Variants in EHMT1 observed in about 807,000 individuals in gnomAD.
The protein encoded by EHMT1 is histone-lysine N-methyltransferase EHMT1.
Under a neutral mutation model 147.2 loss-of-function variants are expected in EHMT1, and 15 were observed. The observed-to-expected ratio is 0.10, with a 90% CI of 0.07 to 0.16. EHMT1 has a LOEUF of 0.16. Among genes scored for constraint, EHMT1 ranks in the 10% least tolerant of loss-of-function variants. The pLI is 1.00. For synonymous variants in EHMT1, 795 were observed against 709.6 expected (o/e 1.12, Z -1.91); for missense variants, 1,587 against 1,772.4 (o/e 0.90, Z 1.88).
At chr9:137,682,360 T>G (rs1413272735) in intron 1 of EHMT1, among the ~76,000 whole-genome samples, 1 of 152,138 alleles carries the variant, frequency 6.6e-6, no homozygotes, top group Non-Finnish European at 1.5e-5. Flanking sequence ...AGTACCAACC[T>G]TTATGTGTTA....
chr9:137,671,919 G>C (rs1940709407), intron 1 of EHMT1, among the ~76,000 whole-genome samples: 2 of 152,198 alleles, frequency 1.3e-5, no homozygotes, highest in African/African-American at 4.8e-5. Flanking sequence ...GCTGTGGAGA[G>C]GCCGTGGCCC....
At chr9:137,792,033 C>G (rs1405815947) in intron 16 of EHMT1, 3 of 465,208 alleles carry the variant, frequency 6.4e-6, no homozygotes, top group African/African-American at 6.1e-5. Flanking sequence ...ATGCCCAGCG[C>G]TAACAGCTTT....
Position 137,835,295 on chromosome 9 carries a change from G to A in EHMT1, c.*342G>A, listed in dbSNP as rs1378364795. 1 of 217,476 alleles carries A rather than the reference G, an allele frequency of 4.6e-6. No homozygotes were observed. The highest frequency in any genetic ancestry group is 1.2e-4 in the East Asian group (1 of 8,666). 13.5% of individuals were successfully genotyped at this position (217,476 alleles called of 1,614,324 possible). On this transcript the variant is annotated 3_prime_UTR_variant, in exon 27 of 27. Transcript: ENST00000460843. Reference sequence around the variant, plus strand: ...TTTCTCGTTTCTTCCTCTGACCTCCGAGGTCCCCGCTGCACCACGGGGTTG... The same window carrying A: ...TTTCTCGTTTCTTCCTCTGACCTCCAAGGTCCCCGCTGCACCACGGGGTTG...
At chr9:137,663,595 T>C (rs1939315754) in intron 1 of EHMT1, among the ~76,000 whole-genome samples, 1 of 149,102 alleles carries the variant, frequency 6.7e-6, no homozygotes, top group Non-Finnish European at 1.5e-5. Flanking sequence ...TGTCACACTA[T>C]TAATAATTTC....
chr9:137,787,708 G>T lies in EHMT1; in HGVS notation c.2383-3140G>T. On this transcript the variant is annotated intron_variant, in intron 15 of 26. Coordinates refer to ENST00000460843, the MANE Select transcript of EHMT1 (RefSeq NM_024757.5). This position sits in a 1 kb window ranked among gnomAD's most constrained non-coding sequence, Gnocchi z 4.2. The stretch of plus-strand genomic sequence containing the variant: ...GAGCAGCCCGCCTGGGCCAGGGGCC[G>T]CCAGGTCCCCAGGGTGCCACCGAAA... The T allele has an allele frequency of 5.7e-6, 4 of 705,732 alleles. No homozygotes were observed. The highest frequency in any genetic ancestry group is 9.9e-6 in the Non-Finnish European group (4 of 402,058). The allele number at this position is 705,732 out of a possible 1,614,324, so 43.7% of individuals were successfully genotyped here. A position where few individuals can be genotyped will look rare whatever the true frequency, so the allele number is the denominator to read the frequency against.
At chr9:137,767,395 C>G (rs893826844) in intron 10 of EHMT1, among the ~76,000 whole-genome samples, 2 of 152,190 alleles carry the variant, frequency 1.3e-5, no homozygotes, top group African/African-American at 4.8e-5. Context: ...TGAAGGTGGT[C>G]TGATAAGGTT....
chr9:137,792,814 A>G (rs372273877), intron 16 of EHMT1, among the ~76,000 whole-genome samples: 8 of 152,380 alleles, frequency 5.3e-5, no homozygotes, highest in Admixed American at 1.3e-4. Context: ...GGATTTGACA[A>G]TGATTTCTTG....
In EHMT1 at chr9:137,761,457, GT is replaced by G. The variant is rs550061282; in HGVS notation, c.1502-1216del. Among the ~76,000 whole-genome samples the G allele has an allele frequency of 6.6e-5, 10 of 152,248 alleles. No individual in the cohort carries two copies. In the East Asian group the frequency reaches 1.7e-3, roughly 26 times the overall value. On this transcript the variant is annotated intron_variant, in intron 9 of 26. Transcript: ENST00000460843. The stretch of plus-strand genomic sequence containing the variant: ...TATATTTTTAGATGTGAAAACAAGA[GT>G]TAATGTTTTTTTTTGAGACGGAGTC...
At chr9:137,738,596 G>A (rs1947765488) in intron 4 of EHMT1, 2 of 152,148 alleles carry the variant, frequency 1.3e-5, no homozygotes, top group Non-Finnish European at 2.9e-5. Context: ...GTACACCCAC[G>A]TTGATAGCAG....
chr9:137,814,696 A>G (rs1954782437), intron 22 of EHMT1, 188 bp downstream of exon 22: 5 of 678,542 alleles, frequency 7.4e-6, no homozygotes, highest in Non-Finnish European at 1.1e-5. Flanking sequence ...TCGTGAGCCG[A>G]GGACATGGCT....
chr9:137,821,392 A>C (rs1382608809), intron 25 of EHMT1, among the ~76,000 whole-genome samples: 1 of 143,466 alleles, frequency 7.0e-6, no homozygotes, highest in Non-Finnish European at 1.5e-5. Flanking sequence ...CAGTGGCATA[A>C]TCATAGCTCA....
intron 12 of EHMT1, chr9:137,777,045 A>G (rs1046977056): frequency 3.2e-5 from 19 of 585,832 alleles, no homozygotes; most frequent in Admixed American, 6.1e-5. Flanking sequence ...CGGTTTGGTT[A>G]TGTAGATCCA....
At chr9:137,763,531 T>C (rs1244516993) in intron 10 of EHMT1, 1 of 156,256 alleles carries the variant, frequency 6.4e-6, no homozygotes, top group African/African-American at 2.4e-5. Context: ...AGTCAGCACG[T>C]GGCCATTAGT....
intron 25 of EHMT1, among the ~76,000 whole-genome samples, chr9:137,820,895 T>A (rs1028618162): frequency 6.6e-6 from 1 of 150,524 alleles, no homozygotes; most frequent in African/African-American, 2.5e-5. Flanking sequence ...TGTTTTGTTT[T>A]GAGACGGAGT....
At chr9:137,624,727 G>A (rs997928961) in intron 1 of EHMT1, among the ~76,000 whole-genome samples, 6 of 151,946 alleles carry the variant, frequency 3.9e-5, no homozygotes, top group African/African-American at 1.5e-4. Context: ...CTCCCAAAGT[G>A]TTGGGATTAC....
chr9:137,757,060 A>G (rs1330402657), intron 8 of EHMT1, among the ~76,000 whole-genome samples: 1 of 152,222 alleles, frequency 6.6e-6, no homozygotes, highest in Non-Finnish European at 1.5e-5. Context: ...CCGGAGTTAG[A>G]TATTACCTGG....
intron 1 of EHMT1, among the ~76,000 whole-genome samples, chr9:137,710,679 C>T (rs796256673): frequency 6.6e-6 from 1 of 152,018 alleles, no homozygotes; most frequent in South Asian, 2.1e-4. Context: ...GTAACAGAGC[C>T]CAAAGATTTC....
intron 1 of EHMT1, among the ~76,000 whole-genome samples, chr9:137,687,124 C>T (rs1027689964): frequency 2.0e-5 from 3 of 152,134 alleles, no homozygotes; most frequent in Non-Finnish European, 2.9e-5. Flanking sequence ...TGTCAAATAT[C>T]GATATACTGT....
At chr9:137,795,561 C>T (rs948714167) in intron 16 of EHMT1, among the ~76,000 whole-genome samples, 23 of 152,284 alleles carry the variant, frequency 1.5e-4, no homozygotes, top group African/African-American at 4.6e-4. Context: ...CTGGAGAAAA[C>T]GCACACAGAC....
Sources: allele counts gnomAD v4.1 joint callset (sites outside exome capture counted in the v4.1 genomes callset), GRCh38; gene constraint gnomAD v4.1.1; non-coding constraint Gnocchi (gnomAD v3.1); transcripts MANE v1.5; gene names NCBI Gene and HGNC (gene_info 2026-07-23, HGNC 2026-07-21).